UBTD2: variants seen among roughly 807,000 people sequenced by gnomAD.
UBTD2 encodes the protein ubiquitin domain containing 2.
In UBTD2, 9 loss-of-function variants were observed where a neutral mutation model predicts 19.8. The ratio of observed to expected loss-of-function variants is 0.46; its 90% CI spans 0.27 to 0.79. UBTD2 has a LOEUF of 0.79. UBTD2 is among the 30% of genes least tolerant of loss of function. The pLI is 0.14. For synonymous variants in UBTD2, 98 were observed against 103.9 expected (o/e 0.94, Z 0.35); for missense variants, 250 against 300.4 (o/e 0.83, Z 1.24).
At chr5:172,234,834 G>C (rs962915328) in intron 1 of UBTD2, among the ~76,000 whole-genome samples, 1 of 152,156 alleles carries the variant, frequency 6.6e-6, no homozygotes, top group Non-Finnish European at 1.5e-5. Flanking sequence ...CTTGAGCCTG[G>C]GAGGTTGTGT....
chr5:172,217,151 C>T (rs1319638329), intron 2 of UBTD2, among the ~76,000 whole-genome samples: 1 of 151,856 alleles, frequency 6.6e-6, no homozygotes, highest in Non-Finnish European at 1.5e-5. Context: ...GTGGCTTATG[C>T]CTACAATCCC....
Position 172,283,504 on chromosome 5 carries a change from GGGGCCCGGCGCGGCCCGC to G in UBTD2, c.70+74_70+91del. 9.8e-7 allele frequency: 1 copy of G among 1,019,246 alleles called. No individual in the cohort carries two copies. The highest frequency in any genetic ancestry group is 1.3e-6 in the Non-Finnish European group (1 of 792,484). 63.1% of individuals were successfully genotyped at this position (1,019,246 alleles called of 1,614,324 possible). ...GAAGAGGGGATGACAAAGGGGCGCG[GGGGCCCGGCGCGGCCCGC>G]GGGGGTCGGGACAGGTGGCCGGGCC... On this transcript the variant is annotated intron_variant, in intron 1 of 2. Coordinates refer to ENST00000393792, the MANE Select transcript of UBTD2 (RefSeq NM_152277.3). This position sits in a 1 kb window ranked among gnomAD's most constrained non-coding sequence, Gnocchi z 4.3.
intron 2 of UBTD2, among the ~76,000 whole-genome samples, chr5:172,225,497 T>C (rs1771746711): frequency 6.6e-6 from 1 of 152,228 alleles, no homozygotes; most frequent in Non-Finnish European, 1.5e-5. Flanking sequence ...AAGAAAGATG[T>C]ATTTTTCAGC....
intron 1 of UBTD2, among the ~76,000 whole-genome samples, chr5:172,265,807 A>G (rs1755367460): frequency 1.3e-5 from 2 of 152,204 alleles, no homozygotes; most frequent in Admixed American, 6.5e-5. Context: ...AGTGCTTACA[A>G]TATTCTGGGG....
intron 2 of UBTD2, among the ~76,000 whole-genome samples, chr5:172,225,520 C>T (rs1354261722): frequency 1.3e-5 from 2 of 152,190 alleles, no homozygotes; most frequent in Non-Finnish European, 2.9e-5. Flanking sequence ...TTAAAGGCCT[C>T]ACTGTTTATC....
At position 172,242,119 on chromosome 5, in the gene UBTD2, C is replaced by A. The variant is rs140804318; in HGVS notation, c.71-7761G>T. Among the ~76,000 whole-genome samples the A allele has an allele frequency of 2.2e-4, 33 of 152,276 alleles. 1 individual carries two copies. In the East Asian group the frequency reaches 6.4e-3, roughly 29 times the overall value. On this transcript the variant is annotated intron_variant, in intron 1 of 2. Coordinates refer to ENST00000393792, the MANE Select transcript of UBTD2 (RefSeq NM_152277.3). The stretch of plus-strand genomic sequence containing the variant: ...TGTGATGCAATGGCTCCCCCTTTGC[C>A]TTCCGCCATGATTGTAAGCTCCCTG...
chr5:172,262,723 G>C (rs574682818), intron 1 of UBTD2, among the ~76,000 whole-genome samples: 1 of 151,894 alleles, frequency 6.6e-6, no homozygotes, highest in Admixed American at 6.6e-5. Flanking sequence ...GCTGAGGTAG[G>C]AGAGTCGCTT....
At chr5:172,273,368 AT>A (rs1387465566) in intron 1 of UBTD2, among the ~76,000 whole-genome samples, 1 of 152,138 alleles carries the variant, frequency 6.6e-6, no homozygotes, top group Non-Finnish European at 1.5e-5. Flanking sequence ...AGGCGGGTGG[AT>A]CACCTGAGGT....
intron 2 of UBTD2, among the ~76,000 whole-genome samples, chr5:172,228,056 A>C (rs1771806690): frequency 6.6e-6 from 1 of 152,142 alleles, no homozygotes; most frequent in African/African-American, 2.4e-5. Flanking sequence ...TGAAACACCT[A>C]AGGAAAATAG....
intron 1 of UBTD2, among the ~76,000 whole-genome samples, chr5:172,272,161 A>T (rs903353623): frequency 3.3e-5 from 5 of 152,204 alleles, no homozygotes; most frequent in Admixed American, 1.3e-4. Flanking sequence ...ACAACACCCA[A>T]TGTACACTCA....
chr5:172,253,892 A>G (rs7736446), intron 1 of UBTD2, among the ~76,000 whole-genome samples: 2,792 of 152,276 alleles, frequency 0.018, 73 homozygotes, highest in African/African-American at 0.064. Flanking sequence ...GTTATCTATA[A>G]GAATGGTTTG....
At chr5:172,212,722 C>T (rs540655880) in intron 2 of UBTD2, among the ~76,000 whole-genome samples, 8 of 145,520 alleles carry the variant, frequency 5.5e-5, no homozygotes, top group African/African-American at 1.8e-4. Context: ...TGGAGTGCAG[C>T]GGCACCATCT....
intron 1 of UBTD2, among the ~76,000 whole-genome samples, chr5:172,275,379 G>A (rs74764744): frequency 0.32 from 49,084 of 151,832 alleles, 8,020 homozygotes; most frequent in South Asian, 0.42. Flanking sequence ...ACAGCCAAAC[G>A]GTATCACACC....
At chr5:172,267,776 A>G (rs1755404975) in intron 1 of UBTD2, among the ~76,000 whole-genome samples, 1 of 152,176 alleles carries the variant, frequency 6.6e-6, no homozygotes, top group Admixed American at 6.5e-5. Flanking sequence ...TTAGTGTTCA[A>G]TGTCAGATTT....
chr5:172,276,243 C>CA (rs11448137), intron 1 of UBTD2, among the ~76,000 whole-genome samples: 25,671 of 152,054 alleles, frequency 0.17, 2,551 homozygotes, highest in African/African-American at 0.28. Context: ...GTAACTAGTA[C>CA]ATAATAGTGG....
At chr5:172,248,169 C>T (rs182759083) in intron 1 of UBTD2, among the ~76,000 whole-genome samples, 1 of 152,078 alleles carries the variant, frequency 6.6e-6, no homozygotes, top group Non-Finnish European at 1.5e-5. Flanking sequence ...GAAAGCAATG[C>T]TCAGAGGAAA....
intron 1 of UBTD2, among the ~76,000 whole-genome samples, chr5:172,275,647 C>T (rs553200292): frequency 2.1e-3 from 324 of 152,226 alleles, no homozygotes; most frequent in South Asian, 2.5e-3. Flanking sequence ...TATTAGCAGT[C>T]ACTCACTTTT....
At chr5:172,282,430 A>T in intron 1 of UBTD2, among the ~76,000 whole-genome samples, 1 of 152,222 alleles carries the variant, frequency 6.6e-6, no homozygotes, top group African/African-American at 2.4e-5. Flanking sequence ...TGGCATGGCT[A>T]ACCATCATGG....
chr5:172,221,697 G>A (rs1771654358), intron 2 of UBTD2, among the ~76,000 whole-genome samples: 1 of 152,176 alleles, frequency 6.6e-6, no homozygotes, highest in Non-Finnish European at 1.5e-5. Flanking sequence ...GGGGTTAGGA[G>A]GGAGGCAGGG....
Sources: gnomAD v4.1 joint callset for allele counts (sites outside exome capture counted in the v4.1 genomes callset) on GRCh38, gnomAD v4.1.1 for gene constraint, Gnocchi (gnomAD v3.1) non-coding constraint, MANE v1.5 for transcripts, NCBI Gene and HGNC (gene_info 2026-07-23, HGNC 2026-07-21) for gene names.